The following MARCHF1 variants were observed in gnomAD, a reference collection of about 807,000 sequenced individuals.
MARCHF1 encodes the protein E3 ubiquitin-protein ligase MARCHF1.
Under a neutral mutation model 54.2 loss-of-function variants are expected in MARCHF1, and 40 were observed. That is an observed-to-expected ratio of 0.74 (90% confidence interval 0.57 to 0.96). The LOEUF (loss-of-function observed/expected upper bound fraction) is 0.96. Among genes scored for constraint, MARCHF1 ranks in the 40% least tolerant of loss-of-function variants. The probability of loss-of-function intolerance (pLI) is 0.00; values close to 1 mark genes in which losing one functional copy is unlikely to be tolerated. For missense variants in MARCHF1, 586 were observed against 656.5 expected, an observed-to-expected ratio of 0.89 and a Z score of 1.17; for synonymous variants, 236 against 236.3, an observed-to-expected ratio of 1.00 and a Z score of 0.01.
rs1292329030 is a variant in MARCHF1, at chr4:163,809,706, T to TTGTTTATTGTC, written c.111+44314_111+44315insGACAATAAACA. ...ACATATATCATGTATATTATATACA[T>TTGTTTATTGTC]ATACATGTATTTACACATACATGTA... On this transcript the variant is annotated intron_variant, in intron 4 of 9. Coordinates refer to ENST00000514618, the MANE Select transcript of MARCHF1 (RefSeq NM_001394959.1). Among the ~76,000 whole-genome samples, 470 of 152,284 alleles carry TTGTTTATTGTC rather than the reference T, an allele frequency of 3.1e-3. 3 individuals are homozygous for TTGTTTATTGTC. Among genetic ancestry groups the TTGTTTATTGTC allele is most frequent in the African/African-American group, 0.011 (447 of 41,572 alleles).
chr4:164,228,775 G>C (rs1262680757), intron 1 of MARCHF1, among the ~76,000 whole-genome samples: 1 of 152,082 alleles, frequency 6.6e-6, no homozygotes, highest in Non-Finnish European at 1.5e-5. Flanking sequence ...AAATCTATTG[G>C]CTTTCTCGAT....
intron 4 of MARCHF1, among the ~76,000 whole-genome samples, chr4:163,763,781 G>A (rs1010330257): frequency 2.0e-5 from 3 of 152,056 alleles, no homozygotes; most frequent in African/African-American, 7.2e-5. Flanking sequence ...ATACTGTCAT[G>A]TTGGCAGTAA....
chr4:163,754,903 A>G (rs1312645690), intron 4 of MARCHF1, among the ~76,000 whole-genome samples: 1 of 152,110 alleles, frequency 6.6e-6, no homozygotes, highest in African/African-American at 2.4e-5. Flanking sequence ...AAGAGGGGAG[A>G]AGGAAGCAGA....
chr4:163,600,153 T>TATTTATATACACACATATATAA (rs1740914140), intron 7 of MARCHF1, among the ~76,000 whole-genome samples: 1 of 152,048 alleles, frequency 6.6e-6, no homozygotes, highest in African/African-American at 2.4e-5. Context: ...CACATATATC[T>TATTTATATACACACATATATAA]ATTTATATAC....
intron 2 of MARCHF1, among the ~76,000 whole-genome samples, chr4:164,021,785 C>T (rs534389364): frequency 3.7e-4 from 56 of 151,216 alleles, no homozygotes; most frequent in African/African-American, 1.3e-3. Flanking sequence ...ACCTGGGAGG[C>T]GGAGGTTGCA....
intron 1 of MARCHF1, among the ~76,000 whole-genome samples, chr4:164,156,734 T>C (rs1730088006): frequency 6.6e-6 from 1 of 152,120 alleles, no homozygotes; most frequent in South Asian, 2.1e-4. Flanking sequence ...CGCCCTTAAT[T>C]CTTGTCATTT....
At chr4:164,219,332 A>T (rs1258686243) in intron 1 of MARCHF1, among the ~76,000 whole-genome samples, 1 of 152,196 alleles carries the variant, frequency 6.6e-6, no homozygotes, top group Non-Finnish European at 1.5e-5. Context: ...GTTGCTTCTT[A>T]TCCAATTTTC....
chr4:163,548,276 G>A (rs2203108), intron 8 of MARCHF1, among the ~76,000 whole-genome samples: 85,316 of 152,038 alleles, frequency 0.56, 24,524 homozygotes, highest in Admixed American at 0.69. Context: ...ACAGCTTCAC[G>A]TTTTTAAAGT....
intron 3 of MARCHF1, among the ~76,000 whole-genome samples, chr4:163,949,217 C>T (rs1489212871): frequency 3.3e-5 from 5 of 152,212 alleles, no homozygotes; most frequent in African/African-American, 9.7e-5. Flanking sequence ...ATGCCGGCTG[C>T]GGTGGGGCAG....
chr4:163,582,325 A>G (rs887138327), intron 8 of MARCHF1, among the ~76,000 whole-genome samples: 3 of 152,204 alleles, frequency 2.0e-5, no homozygotes, highest in Non-Finnish European at 4.4e-5. Context: ...AAAGATGATG[A>G]AAATTGCTTT....
chr4:164,287,057 G>A (rs1244897580), intron 1 of MARCHF1, among the ~76,000 whole-genome samples: 9 of 146,572 alleles, frequency 6.1e-5, no homozygotes, highest in African/African-American at 2.2e-4. Context: ...AAAAGCAGAA[G>A]AAAAAAATAA....
At chr4:164,176,972 C>CTATATATA (rs1253065832) in intron 1 of MARCHF1, among the ~76,000 whole-genome samples, 1 of 56,834 alleles carries the variant, frequency 1.8e-5, no homozygotes, top group African/African-American at 8.4e-5. Context: ...CTCTCTCTCT[C>CTATATATA]TCTCTCTCTA....
chr4:164,232,627 T>C (rs1732444147), intron 1 of MARCHF1, among the ~76,000 whole-genome samples: 2 of 152,196 alleles, frequency 1.3e-5, no homozygotes, highest in African/African-American at 4.8e-5. Context: ...CACATGTGGT[T>C]ATTCCTTTTA....
At chr4:163,958,853 C>A (rs1752283747) in intron 3 of MARCHF1, among the ~76,000 whole-genome samples, 1 of 151,742 alleles carries the variant, frequency 6.6e-6, no homozygotes, top group Non-Finnish European at 1.5e-5. Flanking sequence ...TAGAAAATAA[C>A]AAAAATGACA....
chr4:164,020,867 G>T (rs1371885744), intron 2 of MARCHF1, among the ~76,000 whole-genome samples: 1 of 152,184 alleles, frequency 6.6e-6, no homozygotes, highest in Non-Finnish European at 1.5e-5. Context: ...GGAGGTCAAG[G>T]CTGCAGTGAA....
At chr4:164,303,237 C>T (rs915491957) in intron 1 of MARCHF1, among the ~76,000 whole-genome samples, 8 of 152,176 alleles carry the variant, frequency 5.3e-5, no homozygotes, top group African/African-American at 1.7e-4. Flanking sequence ...ACCTATGGAA[C>T]ATGGAAGGCT....
chr4:163,565,952 G>A (rs889531954), intron 8 of MARCHF1, among the ~76,000 whole-genome samples: 8 of 152,138 alleles, frequency 5.3e-5, no homozygotes, highest in Non-Finnish European at 7.3e-5. Context: ...TCCCGGTGGG[G>A]CTGAGGAAAG....
At chr4:163,875,556 A>T (rs1750270072) in intron 3 of MARCHF1, among the ~76,000 whole-genome samples, 2 of 152,182 alleles carry the variant, frequency 1.3e-5, no homozygotes, top group South Asian at 4.1e-4. Context: ...GCTCGGTGAC[A>T]GAATGGAAAG....
At chr4:163,598,882 T>C (rs1300202121) in intron 7 of MARCHF1, among the ~76,000 whole-genome samples, 1 of 152,268 alleles carries the variant, frequency 6.6e-6, no homozygotes, top group Non-Finnish European at 1.5e-5. Context: ...AACTTTTTAA[T>C]GTTTTTAAAC....
Sources: allele counts gnomAD v4.1 joint callset (sites outside exome capture counted in the v4.1 genomes callset), GRCh38; gene constraint gnomAD v4.1.1; transcripts MANE v1.5; gene names NCBI Gene and HGNC (gene_info 2026-07-23, HGNC 2026-07-21).